BTBD9: variants seen among roughly 807,000 people sequenced by gnomAD.
BTBD9 encodes BTB/POZ domain-containing protein 9.
A neutral mutation model predicts 64.3 loss-of-function variants in BTBD9; 49 were observed. That is an observed-to-expected ratio of 0.76 (90% CI 0.61 to 0.97). The LOEUF is 0.97. Ranked by LOEUF, BTBD9 falls within the 50% of genes least tolerant of loss-of-function variation. The pLI is 0.00. For synonymous variants in BTBD9, 260 were observed against 274.7 expected, an observed-to-expected ratio of 0.95 and a Z score of 0.53; for missense variants, 598 against 762.1, an observed-to-expected ratio of 0.78 and a Z score of 2.53.
rs188986687 is a variant in BTBD9, at chr6:38,309,703, G to A, written c.1265-21242C>T. Among the ~76,000 whole-genome samples the A allele has an allele frequency of 1.1e-3, 167 of 151,556 alleles. No homozygotes were observed. In the Middle Eastern group the frequency reaches 0.014, roughly 12 times the overall value. On this transcript the variant is annotated intron_variant, in intron 7 of 10. Coordinates refer to ENST00000481247, the MANE Select transcript of BTBD9 (RefSeq NM_001099272.2). ...TGGGATTACAGGTGTGAACCACTGC[G>A]CCCAGCCTATTTAATAATTTTTTTT...
chr6:38,613,629 T>A (rs79058690), intron 1 of BTBD9, among the ~76,000 whole-genome samples: 19,822 of 150,056 alleles, frequency 0.13, 1,469 homozygotes, highest in Non-Finnish European at 0.16. Flanking sequence ...TTATCTTTTT[T>A]AAAAAAAAAA....
rs189982023 is a variant in BTBD9, at chr6:38,490,349, T to C, written c.1154+87251A>G. Among the ~76,000 whole-genome samples the C allele has an allele frequency of 1.5e-3, 225 of 152,102 alleles. 1 individual carries two copies. The highest frequency in any genetic ancestry group is 2.5e-3 in the Non-Finnish European group (171 of 67,966). On this transcript the variant is annotated intron_variant, in intron 6 of 10. Coordinates refer to ENST00000481247, the MANE Select transcript of BTBD9 (RefSeq NM_001099272.2). ...TTTTTTCTTTTTTTTGAGACAGAGTTTTGCTCTGTTGCCCAGGCTGGAGTG... is the reference window on the plus strand; with the variant it reads ...TTTTTTCTTTTTTTTGAGACAGAGTCTTGCTCTGTTGCCCAGGCTGGAGTG...
intron 6 of BTBD9, among the ~76,000 whole-genome samples, chr6:38,378,168 T>C (rs146796391): frequency 3.6e-3 from 552 of 152,112 alleles, no homozygotes; most frequent in Admixed American, 6.7e-3. Flanking sequence ...GATTTCCTTA[T>C]ACAGCAATAT....
intron 6 of BTBD9, among the ~76,000 whole-genome samples, chr6:38,463,464 G>A (rs867219957): frequency 6.6e-6 from 1 of 152,246 alleles, no homozygotes; most frequent in Non-Finnish European, 1.5e-5. Context: ...CTGACGTTAG[G>A]AGGAGAGAGT....
intron 7 of BTBD9, among the ~76,000 whole-genome samples, chr6:38,304,504 C>G (rs1762548469): frequency 6.6e-6 from 1 of 151,800 alleles, no homozygotes; most frequent in African/African-American, 2.4e-5. Context: ...TGAGACCATG[C>G]CAATACACTC....
intron 10 of BTBD9, among the ~76,000 whole-genome samples, chr6:38,186,985 G>C (rs920733346): frequency 6.6e-6 from 1 of 152,172 alleles, no homozygotes; most frequent in African/African-American, 2.4e-5. Context: ...TCTGTTTCTT[G>C]AACATCACTG....
intron 6 of BTBD9, among the ~76,000 whole-genome samples, chr6:38,466,857 C>T (rs1014074945): frequency 6.6e-6 from 1 of 152,128 alleles, no homozygotes; most frequent in Non-Finnish European, 1.5e-5. Context: ...GGATTACAGG[C>T]GTGAGCCACC....
chr6:38,261,682 CG>C (rs1764799952), intron 8 of BTBD9, among the ~76,000 whole-genome samples: 1 of 152,138 alleles, frequency 6.6e-6, no homozygotes, highest in South Asian at 2.1e-4. Flanking sequence ...CCTAGTCTAT[CG>C]ATCTTTACCT....
At chr6:38,270,702 T>C (rs1193560376) in intron 8 of BTBD9, among the ~76,000 whole-genome samples, 4 of 152,106 alleles carry the variant, frequency 2.6e-5, no homozygotes, top group Admixed American at 2.0e-4. Context: ...AAGGAAGAGG[T>C]AGCATGAGCA....
At chr6:38,506,143 A>G (rs1772500044) in intron 6 of BTBD9, among the ~76,000 whole-genome samples, 1 of 152,104 alleles carries the variant, frequency 6.6e-6, no homozygotes, top group Non-Finnish European at 1.5e-5. Context: ...CCCCTCAGAC[A>G]ATAGCCAAAT....
rs753536467 is a variant in BTBD9, at chr6:38,288,374, T to A, written c.1352A>T (p.Asp451Val). 6.2e-7 allele frequency: 1 copy of A among 1,614,092 alleles called. No individual in the cohort carries two copies. Among genetic ancestry groups the A allele is most frequent in the Non-Finnish European group, 8.5e-7 (1 of 1,180,010 alleles). Residue 451 changes from aspartate to valine, a missense_variant, in exon 8 of 11, where the codon GAC becomes GTC. By Grantham distance (152) the Asp-to-Val change is radical. Transcript: ENST00000481247. ...AGAATCCCAGTCATAATTCTTAGTG[T>A]CCCCATTCAGCAAGGCATTTCGGCT... Reference protein sequence around the residue: ...SRSRNALLNGDTKNYDWDSGY... With the variant: ...SRSRNALLNGVTKNYDWDSGY...
chr6:38,218,692 G>A (rs1763094042), intron 9 of BTBD9, among the ~76,000 whole-genome samples: 1 of 152,166 alleles, frequency 6.6e-6, no homozygotes, highest in Admixed American at 6.5e-5. Context: ...TTGAATGTGT[G>A]TGTGGCACGG....
At chr6:38,545,837 AACAC>A (rs1233030307) in intron 6 of BTBD9, among the ~76,000 whole-genome samples, 8 of 112,848 alleles carry the variant, frequency 7.1e-5, no homozygotes, top group Admixed American at 2.9e-4. Flanking sequence ...TAATATTTAA[AACAC>A]ACACACACAC....
At chr6:38,268,190 TA>T (rs963536609) in intron 8 of BTBD9, among the ~76,000 whole-genome samples, 3 of 152,224 alleles carry the variant, frequency 2.0e-5, no homozygotes, top group African/African-American at 7.2e-5. Context: ...AGTGATAATT[TA>T]TGAAAAATAT....
At position 38,448,517 on chromosome 6, in the gene BTBD9, T is replaced by C. The variant is rs75679904; in HGVS notation, c.1155-103424A>G. Among the ~76,000 whole-genome samples the C allele has an allele frequency of 2.5e-3, 388 of 152,256 alleles. 2 individuals are homozygous for C. Among genetic ancestry groups the C allele is most frequent in the Non-Finnish European group, 5.0e-3 (341 of 68,020 alleles). The stretch of plus-strand genomic sequence containing the variant: ...CCGCTCTTTTTTTGCTTGCATATCA[T>C]CCCTCTCTTTTTTTGAGACAGTCTC... On this transcript the variant is annotated intron_variant, in intron 6 of 10. Coordinates refer to ENST00000481247, the MANE Select transcript of BTBD9 (RefSeq NM_001099272.2).
At chr6:38,588,530 C>T (rs983149466) in intron 4 of BTBD9, 13 of 797,894 alleles carry the variant, frequency 1.6e-5, no homozygotes, top group South Asian at 4.1e-5. Flanking sequence ...TTATCGATAA[C>T]GAGGCTTATC....
chr6:38,323,961 G>A (rs906676354), intron 7 of BTBD9, among the ~76,000 whole-genome samples: 6 of 152,082 alleles, frequency 3.9e-5, no homozygotes, highest in African/African-American at 1.4e-4. Flanking sequence ...AAATTACCCA[G>A]GTGTGGTAGC....
chr6:38,538,506 A>G (rs1774121957), intron 6 of BTBD9, among the ~76,000 whole-genome samples: 1 of 152,204 alleles, frequency 6.6e-6, no homozygotes, highest in Non-Finnish European at 1.5e-5. Context: ...ATATATAAGC[A>G]GGAGCAATTT....
At chr6:38,419,241 AAAT>A (rs1582398716) in intron 6 of BTBD9, among the ~76,000 whole-genome samples, 1 of 152,222 alleles carries the variant, frequency 6.6e-6, no homozygotes, top group Non-Finnish European at 1.5e-5. Flanking sequence ...AGGTCTACTG[AAAT>A]AATGGCTCAG....
Sources: gnomAD v4.1 joint callset for allele counts (sites outside exome capture counted in the v4.1 genomes callset) on GRCh38, gnomAD v4.1.1 for gene constraint, MANE v1.5 for transcripts, NCBI Gene and HGNC (gene_info 2026-07-23, HGNC 2026-07-21) for gene names.